TTN: variants seen among roughly 807,000 people sequenced by gnomAD.
TTN encodes titin.
A neutral mutation model predicts 3,223.0 loss-of-function variants in TTN; 1,525 were observed. The ratio of observed to expected loss-of-function variants is 0.47; its 90% CI spans 0.45 to 0.49. The LOEUF (loss-of-function observed/expected upper bound fraction) is 0.49. Among genes scored for constraint, TTN ranks in the 20% least tolerant of loss-of-function variants. The pLI is 0.00. For missense variants in TTN, 40,786 were observed against 43,424.0 expected, an observed-to-expected ratio of 0.94 and a Z score of 5.40; for synonymous variants, 14,094 against 15,161.0, an observed-to-expected ratio of 0.93 and a Z score of 5.17.
chr2:178,734,491 G>T lies in TTN; in HGVS notation c.15333C>A (p.Asp5111Glu). The change falls in exon 52 of 363, where the codon GAC becomes GAA. Residue 5111 changes from aspartate (D) to glutamate (E), a missense_variant. Asp to Glu is a conservative substitution (Grantham distance 45). Coordinates refer to ENST00000589042, the MANE Select transcript of TTN (RefSeq NM_001267550.2). ...TTTTACTACTTCGAATTTGTTTCTT[G>T]TCTTTGAACCAGCTAATTTCAAATG... The part of the protein sequence containing the change: ...TGPFEISWFK[D>E]KKQIRSSKKY... The T allele has an allele frequency of 6.2e-7, 1 of 1,613,664 alleles. No individual in the cohort carries two copies. The highest frequency in any genetic ancestry group is 1.3e-5 in the African/African-American group (1 of 75,006).
At position 178,543,987 on chromosome 2, in the gene TTN, T is replaced by C; in HGVS notation, c.96157A>G (p.Ile32053Val). 6.2e-7 allele frequency: 1 copy of C among 1,613,688 alleles called. No homozygotes were observed. The highest frequency in any genetic ancestry group is 8.5e-7 in the Non-Finnish European group (1 of 1,179,706). The change falls in exon 346 of 363, where the codon ATT (isoleucine) becomes GTT (valine). Residue 32053 changes from isoleucine (I) to valine (V), a missense_variant. Transcript: ENST00000589042. The stretch of plus-strand genomic sequence containing the variant: ...ATAATTGCCCGGCTTGCAAGGTCAA[T>C]GCCCTGCTTGCTCCACGTTATGACA... ...PPVITWSKQGIDLASRAIIDT... is the reference protein window; with the variant it reads ...PPVITWSKQGVDLASRAIIDT...
At chr2:178,796,727 A>G (rs1490537689) in intron 6 of TTN, among the ~76,000 whole-genome samples, 3 of 151,912 alleles carry the variant, frequency 2.0e-5, no homozygotes, top group Non-Finnish European at 4.4e-5. Context: ...TTTAATTCAA[A>G]AAGAGTTAAA....
At position 178,592,431 on chromosome 2, in the gene TTN, T is replaced by G. The variant is rs745752737; in HGVS notation, c.59574A>C (p.Thr19858=). ...AHEDGGIYSL[T]VENPAGSKTV... ...TTTTTGAACCAGCTGGATTCTCCAC[T>G]GTTAAAGAATAAATTCCACCATCTT... The change falls in exon 301 of 363, where the codon ACA becomes ACC. Residue 19858 remains threonine (T), a synonymous_variant. Coordinates refer to ENST00000589042, the MANE Select transcript of TTN (RefSeq NM_001267550.2). 6.2e-7 allele frequency: 1 copy of G among 1,613,380 alleles called. No homozygotes were observed. Among genetic ancestry groups the G allele is most frequent in the African/African-American group, 1.3e-5 (1 of 74,918 alleles).
At position 178,601,725 on chromosome 2, in the gene TTN, G is replaced by A; in HGVS notation, c.55365C>T (p.Gly18455=). 1 of 1,610,452 alleles carries A rather than the reference G, an allele frequency of 6.2e-7. No individual in the cohort carries two copies. ...TATTCTTGGCTGTGATGCTGTATTT[G>A]CCTGTATGAGATCGTTTACACTCCG... is the stretch of plus-strand genomic sequence containing the variant. ...IIPECKRSHT[G]KYSITAKNKA... is the part of the protein sequence containing the mutation. Residue 18455 remains glycine, a synonymous_variant, in exon 286 of 363, where the codon GGC becomes GGT. Coordinates refer to ENST00000589042, the MANE Select transcript of TTN (RefSeq NM_001267550.2).
Position 178,804,623 on chromosome 2 carries a change from G to C in TTN, c.20C>G (p.Thr7Arg). 6.2e-7 allele frequency: 1 copy of C among 1,613,900 alleles called. No individual in the cohort carries two copies. The highest frequency in any genetic ancestry group is 2.2e-5 in the East Asian group (1 of 44,854). The change falls in exon 2 of 363, where the codon ACG becomes AGG. Residue 7 changes from threonine (T) to arginine (R), a missense_variant. Thr to Arg is a moderately conservative substitution (Grantham distance 71, BLOSUM62 -1). Coordinates refer to ENST00000589042, the MANE Select transcript of TTN (RefSeq NM_001267550.2). Reference protein sequence around the residue: MTTQAPTFTQPLQSVVV... With the variant: MTTQAPRFTQPLQSVVV... ...AACGCTTTGTAACGGCTGCGTAAAC[G>C]TCGGTGCTTGAGTTGTCATCTTTCT...
At chr2:178,596,798 A>G (rs538626759) in intron 294 of TTN, among the ~76,000 whole-genome samples, 2 of 152,144 alleles carry the variant, frequency 1.3e-5, no homozygotes, top group South Asian at 4.1e-4. Flanking sequence ...GCCTAGAGAC[A>G]TGCTTAGAAA....
chr2:178,718,242 G>A (rs752773336), intron 85 of TTN, 21 bp from the exon 86 acceptor site: 1 of 1,592,100 alleles, frequency 6.3e-7, no homozygotes, highest in Non-Finnish European at 8.5e-7. Flanking sequence ...AAGGATGGTA[G>A]TCAGCAAGTC....
chr2:178,629,664 A>G (rs912428437), intron 239 of TTN, among the ~76,000 whole-genome samples: 3 of 152,100 alleles, frequency 2.0e-5, no homozygotes, highest in African/African-American at 7.2e-5. Flanking sequence ...CTGACGTACA[A>G]GGTCAGCGAG....
At position 178,718,840 on chromosome 2, in the gene TTN, A is replaced by C. The variant is rs2077899112; in HGVS notation, c.24360T>G (p.Pro8120=). 5.0e-6 allele frequency: 8 copies of C among 1,613,728 alleles called. No homozygotes were observed. Among genetic ancestry groups the C allele is most frequent in the Non-Finnish European group, 6.8e-6 (8 of 1,179,748 alleles). Residue 8120 remains proline, a synonymous_variant, in exon 84 of 363, where the codon CCT becomes CCG. Coordinates refer to ENST00000589042, the MANE Select transcript of TTN (RefSeq NM_001267550.2). ...CCAGAGAGATGTTGCATGACTCCCC[A>C]GGCACCAGTTCCCTGCTGCCTTTAA... is the stretch of plus-strand genomic sequence containing the variant. ...KWFKGSRELV[P]GESCNISLED...
At chr2:178,699,257 A>G (rs1021829613) in intron 111 of TTN, among the ~76,000 whole-genome samples, 16 of 152,116 alleles carry the variant, frequency 1.1e-4, no homozygotes, top group Non-Finnish European at 2.1e-4. Flanking sequence ...AGGGACGAAC[A>G]CAAATATGTT....
At position 178,780,155 on chromosome 2, in the gene TTN, G is replaced by C. The variant is rs776341264; in HGVS notation, c.3574C>G (p.Gln1192Glu). 6 of 1,613,852 alleles carry C rather than the reference G, an allele frequency of 3.7e-6. No homozygotes were observed. The South Asian group carries it at 6.6e-5, about 18-fold the overall frequency. ...KSQQEMLYQT[Q>E]VTAFVQEPKV... ...GGTTCTTGAACAAATGCAGTCACTT[G>C]TGTCTGATAAAGCATTTCTTGCTGG... The change falls in exon 22 of 363, where the codon CAA (glutamine) becomes GAA (glutamate). Residue 1192 changes from glutamine to glutamate, a missense_variant. Physicochemically the swap from Gln to Glu is conservative, Grantham distance 29 (BLOSUM62 2). Coordinates refer to ENST00000589042, the MANE Select transcript of TTN (RefSeq NM_001267550.2).
At position 178,666,875 on chromosome 2, in the gene TTN, G is replaced by T. The variant is rs780314020; in HGVS notation, c.35824C>A (p.Pro11942Thr). The T allele has an allele frequency of 1.3e-6, 2 of 1,569,146 alleles. No homozygotes were observed. Among genetic ancestry groups the T allele is most frequent in the African/African-American group, 1.4e-5 (1 of 73,950 alleles). The change falls in exon 163 of 363, where the codon CCA becomes ACA. Residue 11942 changes from proline (P) to threonine (T), a missense_variant. By Grantham distance (38) the Pro-to-Thr change is conservative (BLOSUM62 -1). Transcript: ENST00000589042. Reference protein sequence around the residue: ...EEFEVFKEVIPEGETPIVKRR... With the variant: ...EEFEVFKEVITEGETPIVKRR... ...TTAACAATAGGAGTTTCTCCCTCTG[G>T]AATGACTTCCTTGAAGACTTCAAAC...
intron 228 of TTN, 145 bp downstream of exon 228, chr2:178,635,020 C>T (rs1219510063): frequency 1.2e-5 from 16 of 1,366,524 alleles, no homozygotes; most frequent in South Asian, 2.9e-5. Context: ...CCAAATGATA[C>T]GTAAAATTTC....
chr2:178,688,912 A>T, intron 125 of TTN, 134 bp from the exon 126 acceptor site: 4 of 1,134,080 alleles, frequency 3.5e-6, no homozygotes, highest in Non-Finnish European at 3.9e-6. Context: ...TATCACAAGG[A>T]CATAAACACA....
chr2:178,586,862 T>A lies in TTN; in HGVS notation c.64094-55A>T. On this transcript the variant is annotated intron_variant, in intron 307 of 362. Coordinates refer to ENST00000589042, the MANE Select transcript of TTN (RefSeq NM_001267550.2). ...CCTAGGTAACCTAATCAAATCCCCT[T>A]TGTTAATGTACATAAGAGTTTTAGT... 6 of 1,583,850 alleles carry A rather than the reference T, an allele frequency of 3.8e-6. No homozygotes were observed. In the South Asian group the frequency reaches 6.9e-5, roughly 18 times the overall value.
At chr2:178,708,640 T>C (rs2076217362) in intron 99 of TTN, among the ~76,000 whole-genome samples, 1 of 152,210 alleles carries the variant, frequency 6.6e-6, no homozygotes, top group African/African-American at 2.4e-5. Context: ...ATCATGAAGA[T>C]AAGCCACTGC....
chr2:178,773,275 G>A lies in TTN; in HGVS notation c.7689C>T (p.Val2563=). 1 of 1,613,822 alleles carries A rather than the reference G, an allele frequency of 6.2e-7. No homozygotes were observed. The highest frequency in any genetic ancestry group is 1.1e-5 in the South Asian group (1 of 91,060). Residue 2563 remains valine, a synonymous_variant, in exon 33 of 363, where the codon GTC becomes GTT. Transcript: ENST00000589042. ...EVELSHSGID[V]LWNFKDKEIK... ...TTTCCTTGTCCTTAAAATTCCACAG[G>A]ACATCAATTCCAGAGTGGGACAGCT... is the stretch of plus-strand genomic sequence containing the variant.
At position 178,775,505 on chromosome 2, in the gene TTN, C is replaced by T. The variant is rs141142920; in HGVS notation, c.6359G>A (p.Arg2120Gln). 1.5e-4 allele frequency: 242 copies of T among 1,613,836 alleles called. 1 individual carries two copies. The highest frequency in any genetic ancestry group is 6.7e-4 in the Admixed American group (40 of 59,958). ...CCAGTACCAGTAGATCCGGTCAGAC[C>T]GTTCAATTTTGACACCATTTTTGTA... ...EWYKNGVKIE[R>Q]SDRIYWYWPE... Residue 2120 changes from arginine (R) to glutamine (Q), a missense_variant, in exon 28 of 363, where the codon CGG (arginine) becomes CAG (glutamine). Arg to Gln is a conservative substitution (Grantham distance 43). Transcript: ENST00000589042.
At position 178,542,725 on chromosome 2, in the gene TTN, A is replaced by G. The variant is rs1695198854; in HGVS notation, c.97129T>C (p.Tyr32377His). The change falls in exon 348 of 363, where the codon TAC becomes CAC. Residue 32377 changes from tyrosine (Y) to histidine (H), a missense_variant. By Grantham distance (83) the Tyr-to-His change is moderately conservative (BLOSUM62 2). Coordinates refer to ENST00000589042, the MANE Select transcript of TTN (RefSeq NM_001267550.2). ...GTAACATTCTTCAATTCAAGTGTGTATTCTCCAGTATCTCTGATAGTGGTT... is the reference window on the plus strand; with the variant it reads ...GTAACATTCTTCAATTCAAGTGTGTGTTCTCCAGTATCTCTGATAGTGGTT... The part of the protein sequence containing the change: ...RETTIRDTGE[Y>H]TLELKNVTGT... 6.2e-7 allele frequency: 1 copy of G among 1,613,818 alleles called. No homozygotes were observed. Among genetic ancestry groups the G allele is most frequent in the Non-Finnish European group, 8.5e-7 (1 of 1,179,762 alleles).
Sources: allele counts gnomAD v4.1 joint callset (sites outside exome capture counted in the v4.1 genomes callset), GRCh38; gene constraint gnomAD v4.1.1; transcripts MANE v1.5; gene names NCBI Gene and HGNC (gene_info 2026-07-23, HGNC 2026-07-21).